PPP6R3: variants seen among roughly 807,000 people sequenced by gnomAD.
PPP6R3 encodes the protein serine/threonine-protein phosphatase 6 regulatory subunit 3.
In PPP6R3, 38 loss-of-function variants were observed where a neutral mutation model predicts 110.7. The observed-to-expected ratio is 0.34, with a 90% CI of 0.26 to 0.45. The LOEUF (loss-of-function observed/expected upper bound fraction) is 0.45, where lower values mean the gene tolerates loss of function less well. Among genes scored for constraint, PPP6R3 ranks in the 20% least tolerant of loss-of-function variants. The probability of loss-of-function intolerance (pLI) is 1.00; values close to 1 mark genes in which losing one functional copy is unlikely to be tolerated. For synonymous variants in PPP6R3, 369 were observed against 373.5 expected, an observed-to-expected ratio of 0.99 and a Z score of 0.14; for missense variants, 870 against 1,062.4, an observed-to-expected ratio of 0.82 and a Z score of 2.52.
chr11:68,566,374 T>C (rs897049584), intron 9 of PPP6R3, among the ~76,000 whole-genome samples: 3 of 151,984 alleles, frequency 2.0e-5, no homozygotes. Context: ...CTTTTTTTGT[T>C]TTTTTGAGAC....
In PPP6R3 at chr11:68,590,555, TTGA is replaced by T. The variant is rs1405258140; in HGVS notation, c.1731-100_1731-98del. On this transcript the variant is annotated intron_variant, in intron 16 of 23. Coordinates refer to ENST00000393800, the MANE Select transcript of PPP6R3 (RefSeq NM_001164161.2). Reference sequence around the variant, plus strand: ...TGTTTGTTTTTTATTTATAGAGATTTTGATGATAGTGTAAATATCTTAAATTTG... The same window carrying T: ...TGTTTGTTTTTTATTTATAGAGATTTTGATAGTGTAAATATCTTAAATTTG... 1.1e-5 allele frequency: 13 copies of T among 1,223,284 alleles called. No homozygotes were observed. The African/African-American group carries it at 1.4e-4, about 13-fold the overall frequency. The allele number at this position is 1,223,284 out of a possible 1,614,324, so 75.8% of individuals were successfully genotyped here. A position where few individuals can be genotyped will look rare whatever the true frequency, so the allele number is the denominator to read the frequency against.
intron 3 of PPP6R3, among the ~76,000 whole-genome samples, chr11:68,544,583 T>A (rs2099340113): frequency 6.6e-6 from 1 of 152,266 alleles, no homozygotes; most frequent in Non-Finnish European, 1.5e-5. Context: ...GGCTTCTGAG[T>A]ACTAGGTGCG....
intron 1 of PPP6R3, chr11:68,505,290 A>G (rs1304623595): frequency 6.6e-6 from 1 of 152,146 alleles, no homozygotes. Context: ...CTTTAATTAC[A>G]TTACTACTGT....
At chr11:68,534,196 GTGGGGTAGACGT>G (rs894447643) in intron 2 of PPP6R3, among the ~76,000 whole-genome samples, 1 of 152,190 alleles carries the variant, frequency 6.6e-6, no homozygotes, top group African/African-American at 2.4e-5. Flanking sequence ...CGCAAGGGCT[GTGGGGTAGACGT>G]TGGGTGGATT....
intron 22 of PPP6R3, among the ~76,000 whole-genome samples, chr11:68,607,567 T>C (rs1453377949): frequency 6.6e-6 from 1 of 152,274 alleles, no homozygotes; most frequent in Non-Finnish European, 1.5e-5. Context: ...TTATTATCCC[T>C]GCTTTTCAGG....
intron 2 of PPP6R3, among the ~76,000 whole-genome samples, chr11:68,532,527 G>A (rs1386816208): frequency 6.6e-6 from 1 of 152,164 alleles, no homozygotes; most frequent in Non-Finnish European, 1.5e-5. Context: ...TCCACTGACT[G>A]GTTTGTTGGA....
At chr11:68,566,360 C>G (rs755445684) in intron 9 of PPP6R3, among the ~76,000 whole-genome samples, 3 of 151,676 alleles carry the variant, frequency 2.0e-5, no homozygotes, top group Middle Eastern at 3.4e-3. Context: ...TTTCTTCCTT[C>G]TTCCTTTTTT....
At position 68,550,963 on chromosome 11, in the gene PPP6R3, C is replaced by G. The variant is rs529165413; in HGVS notation, c.553-158C>G. 499 of 565,958 alleles carry G rather than the reference C, an allele frequency of 8.8e-4. 1 individual carries two copies. The highest frequency in any genetic ancestry group is 1.4e-3 in the Non-Finnish European group (460 of 326,504). 35.1% of individuals were successfully genotyped at this position (565,958 alleles called of 1,614,324 possible). A position where few individuals can be genotyped will look rare whatever the true frequency, so the allele number is the denominator to read the frequency against. Reference sequence around the variant, plus strand: ...AAAACAATATATTCACTGGCATTTTCCTTGGGGGACTTTTAATTTTCTGTA... The same window carrying G: ...AAAACAATATATTCACTGGCATTTTGCTTGGGGGACTTTTAATTTTCTGTA... On this transcript the variant is annotated intron_variant, in intron 5 of 23. Transcript: ENST00000393800.
chr11:68,529,350 C>G (rs567020215), intron 2 of PPP6R3, among the ~76,000 whole-genome samples: 6 of 152,128 alleles, frequency 3.9e-5, no homozygotes, highest in African/African-American at 1.4e-4. Context: ...TCCCAAGTAG[C>G]TGGGATTACA....
At chr11:68,468,353 G>A (rs1240413102) in intron 1 of PPP6R3, among the ~76,000 whole-genome samples, 1 of 152,192 alleles carries the variant, frequency 6.6e-6, no homozygotes, top group Admixed American at 6.5e-5. Flanking sequence ...CACAGGGTTT[G>A]TATTGCCTTT....
Position 68,614,734 on chromosome 11 carries a change from C to A in PPP6R3, c.*1617C>A, listed in dbSNP as rs1944892030. ...TGACCTTTGCACGCCTCCTCAGGAA[C>A]CCCCTTTCCCGGGTGAGCCCCTCTC... On this transcript the variant is annotated 3_prime_UTR_variant, in exon 24 of 24. Transcript: ENST00000393800. 1.8e-5 allele frequency: 27 copies of A among 1,533,588 alleles called. No homozygotes were observed. The highest frequency in any genetic ancestry group is 2.8e-5 in the African/African-American group (2 of 72,478). The allele number at this position is 1,533,588 out of a possible 1,614,324, so 95.0% of individuals were successfully genotyped here. A position where few individuals can be genotyped will look rare whatever the true frequency, so the allele number is the denominator to read the frequency against.
chr11:68,492,851 A>G (rs1252854004), intron 1 of PPP6R3, among the ~76,000 whole-genome samples: 2 of 152,188 alleles, frequency 1.3e-5, no homozygotes, highest in Non-Finnish European at 2.9e-5. Context: ...TGGCAGCAAA[A>G]TCCAGGGAGG....
At chr11:68,598,606 C>A (rs868190601) in intron 19 of PPP6R3, among the ~76,000 whole-genome samples, 1 of 152,208 alleles carries the variant, frequency 6.6e-6, no homozygotes, top group African/African-American at 2.4e-5. Context: ...CCCAGAGAGC[C>A]TCTGCCATTC....
chr11:68,503,622 G>C (rs577662170), intron 1 of PPP6R3, among the ~76,000 whole-genome samples: 3 of 152,216 alleles, frequency 2.0e-5, no homozygotes, highest in African/African-American at 7.2e-5. Flanking sequence ...TGAGGTGTAC[G>C]TGAGGACAGA....
chr11:68,579,805 C>T (rs2099546075), intron 14 of PPP6R3, among the ~76,000 whole-genome samples: 1 of 152,228 alleles, frequency 6.6e-6, no homozygotes. Context: ...CACCATGCTC[C>T]AGTTGCCTCA....
chr11:68,584,953 T>TC (rs1446740247), intron 15 of PPP6R3, among the ~76,000 whole-genome samples: 2 of 152,224 alleles, frequency 1.3e-5, no homozygotes, highest in African/African-American at 4.8e-5. Flanking sequence ...TTGGTTAATT[T>TC]ATTAGAGTTT....
intron 1 of PPP6R3, among the ~76,000 whole-genome samples, chr11:68,489,550 GTT>G (rs569368777): frequency 0.096 from 13,692 of 142,738 alleles, 639 homozygotes; most frequent in African/African-American, 0.11. Context: ...GATACTGTGT[GTT>G]TGTGTGTGTG....
chr11:68,460,962 C>G (rs1042162825), intron 1 of PPP6R3, 135 bp downstream of exon 1: 2 of 151,796 alleles, frequency 1.3e-5, no homozygotes, highest in African/African-American at 4.8e-5. Context: ...CCTCCCCCCC[C>G]GGAATTCGTC....
intron 1 of PPP6R3, among the ~76,000 whole-genome samples, chr11:68,513,827 T>C (rs1483081136): frequency 2.0e-5 from 3 of 152,228 alleles, no homozygotes; most frequent in Non-Finnish European, 4.4e-5. Context: ...GTGTAAGCGT[T>C]GTACATATGT....
Sources: gnomAD v4.1 joint callset for allele counts (sites outside exome capture counted in the v4.1 genomes callset) on GRCh38, gnomAD v4.1.1 for gene constraint, MANE v1.5 for transcripts, NCBI Gene and HGNC (gene_info 2026-07-23, HGNC 2026-07-21) for gene names.